NRG3: variants seen among roughly 807,000 people sequenced by gnomAD.
The protein encoded by NRG3 is pro-neuregulin-3, membrane-bound isoform.
A neutral mutation model predicts 66.9 loss-of-function variants in NRG3; 31 were observed. The observed-to-expected ratio is 0.46, with a 90% CI of 0.35 to 0.63. The LOEUF (loss-of-function observed/expected upper bound fraction) is 0.63. NRG3 is among the 20% of genes least tolerant of loss of function. NRG3 has a pLI of 0.00. For missense variants in NRG3, 910 were observed against 878.9 expected (o/e 1.04, Z -0.45); for synonymous variants, 393 against 359.4 (o/e 1.09, Z -1.06).
chr10:82,177,540 G>A (rs755363025), intron 1 of NRG3, among the ~76,000 whole-genome samples: 1 of 152,068 alleles, frequency 6.6e-6, no homozygotes, highest in Non-Finnish European at 1.5e-5. Flanking sequence ...CTAAACCAGT[G>A]GAACTAAAAA....
At chr10:82,302,063 C>T (rs2080434587) in intron 1 of NRG3, among the ~76,000 whole-genome samples, 1 of 150,696 alleles carries the variant, frequency 6.6e-6, no homozygotes, top group Non-Finnish European at 1.5e-5. Flanking sequence ...TTCTTTTGCC[C>T]TTTCCTATTT....
intron 6 of NRG3, among the ~76,000 whole-genome samples, chr10:82,960,042 C>A (rs1346404812): frequency 7.2e-5 from 11 of 152,214 alleles, no homozygotes; most frequent in Non-Finnish European, 1.5e-4. Context: ...ATCCAGGACA[C>A]ATTCACACCC....
intron 1 of NRG3, among the ~76,000 whole-genome samples, chr10:82,101,807 AT>A (rs1590115212): frequency 6.6e-6 from 1 of 151,048 alleles, no homozygotes; most frequent in Non-Finnish European, 1.5e-5. Context: ...CTGTTGGATT[AT>A]TTTCTAAATG....
chr10:82,791,388 A>G (rs966557245), intron 3 of NRG3, among the ~76,000 whole-genome samples: 2 of 151,794 alleles, frequency 1.3e-5, no homozygotes, highest in African/African-American at 2.4e-5. Context: ...AGCCACTGAC[A>G]TCTCTTTTCC....
intron 4 of NRG3, among the ~76,000 whole-genome samples, chr10:82,884,072 A>C (rs1352943675): frequency 6.6e-6 from 1 of 151,824 alleles, no homozygotes; most frequent in Non-Finnish European, 1.5e-5. Context: ...TTATCTTGTA[A>C]TTTGTTTTGG....
chr10:82,749,705 GA>G (rs968957038), intron 3 of NRG3, among the ~76,000 whole-genome samples: 8 of 151,344 alleles, frequency 5.3e-5, no homozygotes, highest in African/African-American at 1.9e-4. Context: ...CATATGTGGG[GA>G]CAGTCTTTTG....
At chr10:82,307,995 T>C (rs1253624296) in intron 1 of NRG3, among the ~76,000 whole-genome samples, 1 of 152,186 alleles carries the variant, frequency 6.6e-6, no homozygotes, top group African/African-American at 2.4e-5. Flanking sequence ...TTGTGAGTGA[T>C]CTACATCAAA....
At chr10:82,363,849 T>C (rs900009362) in intron 2 of NRG3, among the ~76,000 whole-genome samples, 2 of 152,200 alleles carry the variant, frequency 1.3e-5, no homozygotes, top group Non-Finnish European at 2.9e-5. Flanking sequence ...AATTATGAAT[T>C]TAAATGTCTA....
chr10:82,397,457 G>T (rs147340455), intron 2 of NRG3, among the ~76,000 whole-genome samples: 1,910 of 152,292 alleles, frequency 0.013, 18 homozygotes, highest in Non-Finnish European at 0.018. Flanking sequence ...GTCTAAGCAA[G>T]AAATAAAATT....
chr10:82,972,634 G>T (rs1292825964), intron 6 of NRG3, among the ~76,000 whole-genome samples: 1 of 152,088 alleles, frequency 6.6e-6, no homozygotes, highest in African/African-American at 2.4e-5. Context: ...GTTTTTTATA[G>T]TTCAGAGATA....
chr10:81,890,358 C>A (rs1842920857), intron 1 of NRG3, among the ~76,000 whole-genome samples: 2 of 152,166 alleles, frequency 1.3e-5, no homozygotes, highest in Admixed American at 1.3e-4. Flanking sequence ...TAAAAAAAAT[C>A]TGTTACCAGT....
chr10:82,667,056 CTG>C (rs1253833488), intron 2 of NRG3, among the ~76,000 whole-genome samples: 1 of 152,224 alleles, frequency 6.6e-6, no homozygotes, highest in Non-Finnish European at 1.5e-5. Context: ...GTGTTTCTGA[CTG>C]GGGTCCACAG....
At chr10:82,184,358 C>G (rs900442212) in intron 1 of NRG3, among the ~76,000 whole-genome samples, 1 of 152,018 alleles carries the variant, frequency 6.6e-6, no homozygotes, top group Non-Finnish European at 1.5e-5. Context: ...TTGGTAAGAA[C>G]TTGTCCAAAT....
At chr10:82,570,781 T>G (rs571018533) in intron 2 of NRG3, among the ~76,000 whole-genome samples, 1 of 151,824 alleles carries the variant, frequency 6.6e-6, no homozygotes. Context: ...TTCTGATCTC[T>G]GATTTTCTGG....
Position 82,255,054 on chromosome 10 carries a change from G to A in NRG3, c.824-103685G>A, listed in dbSNP as rs185776812. 2.0e-5 allele frequency among the ~76,000 whole-genome samples: 3 copies of A among 152,272 alleles called. No homozygotes were observed. In the East Asian group the frequency reaches 5.8e-4, roughly 29 times the overall value. ...ATCTGACAAACACTACCCCAGCCCG[G>A]TAATCAAGGTCAATACTCACAATCA... On this transcript the variant is annotated intron_variant, in intron 1 of 8. Transcript: ENST00000372141.
At chr10:82,660,760 A>T (rs1331188216) in intron 2 of NRG3, among the ~76,000 whole-genome samples, 1 of 152,018 alleles carries the variant, frequency 6.6e-6, no homozygotes, top group South Asian at 2.1e-4. Context: ...TTTTTCTGTC[A>T]ATTTATTAAT....
intron 1 of NRG3, among the ~76,000 whole-genome samples, chr10:82,294,086 C>T (rs1815455988): frequency 6.6e-6 from 1 of 152,112 alleles, no homozygotes; most frequent in Non-Finnish European, 1.5e-5. Flanking sequence ...ATCCTATGCT[C>T]TCCCTCAGCT....
intron 1 of NRG3, among the ~76,000 whole-genome samples, chr10:81,892,334 G>A (rs1224788073): frequency 1.3e-5 from 2 of 151,894 alleles, no homozygotes; most frequent in African/African-American, 4.8e-5. Flanking sequence ...CCAAAAATAA[G>A]GGTATGAGGA....
intron 1 of NRG3, among the ~76,000 whole-genome samples, chr10:82,358,420 A>C (rs17099845): frequency 8.5e-5 from 13 of 152,156 alleles, no homozygotes; most frequent in African/African-American, 3.1e-4. Flanking sequence ...CATGTTTGTT[A>C]AAACTGAAAT....
Sources: gnomAD v4.1 joint callset for allele counts (sites outside exome capture counted in the v4.1 genomes callset) on GRCh38, gnomAD v4.1.1 for gene constraint, MANE v1.5 for transcripts, NCBI Gene and HGNC (gene_info 2026-07-23, HGNC 2026-07-21) for gene names.